MAPK10: variants seen among roughly 807,000 people sequenced by gnomAD.
The protein encoded by MAPK10 is JNK3 alpha protein kinase.
MAPK10 carries 25 observed loss-of-function variants against 59.3 expected under a neutral mutation model. The observed-to-expected ratio is 0.42, with a 90% CI of 0.31 to 0.59. The LOEUF is 0.59. Among genes scored for constraint, MAPK10 ranks in the 20% least tolerant of loss-of-function variants. The pLI is 0.15. For missense variants in MAPK10, 351 were observed against 568.9 expected, an observed-to-expected ratio of 0.62 and a Z score of 3.90; for synonymous variants, 190 against 200.5, an observed-to-expected ratio of 0.95 and a Z score of 0.44.
chr4:86,202,417 T>C (rs943659400), intron 2 of MAPK10, among the ~76,000 whole-genome samples: 12 of 152,082 alleles, frequency 7.9e-5, no homozygotes, highest in Non-Finnish European at 1.6e-4. Context: ...AAAATGACTA[T>C]GTTTTATTAA....
chr4:86,490,402 T>C (rs1754367882), intron 1 of MAPK10, among the ~76,000 whole-genome samples: 1 of 152,220 alleles, frequency 6.6e-6, no homozygotes, highest in Admixed American at 6.5e-5. Context: ...CTCTGTACTA[T>C]GTGGTAAGCG....
intron 4 of MAPK10, among the ~76,000 whole-genome samples, chr4:86,130,350 T>C (rs905881621): frequency 3.9e-5 from 6 of 152,090 alleles, no homozygotes; most frequent in Non-Finnish European, 8.8e-5. Context: ...CAGCAAAAAC[T>C]TGCTGATCAA....
chr4:86,436,856 T>C (rs1364272276), intron 1 of MAPK10, among the ~76,000 whole-genome samples: 1 of 152,162 alleles, frequency 6.6e-6, no homozygotes, highest in Non-Finnish European at 1.5e-5. Flanking sequence ...GAAGTGATGA[T>C]AAAAGGCATC....
chr4:86,068,026 C>T (rs2047074646), intron 9 of MAPK10, 71 bp from the exon 10 acceptor site: 3 of 987,216 alleles, frequency 3.0e-6, no homozygotes, highest in South Asian at 4.0e-5. Flanking sequence ...GAGACTAACT[C>T]TTCTCAAAGT....
At chr4:86,080,059 A>G (rs967881155) in intron 9 of MAPK10, 1 of 152,080 alleles carries the variant, frequency 6.6e-6, no homozygotes, top group African/African-American at 2.4e-5. Context: ...ATCTCTGGAG[A>G]CAAAAAGTAC....
intron 1 of MAPK10, among the ~76,000 whole-genome samples, chr4:86,512,838 C>T (rs1174504608): frequency 1.3e-5 from 2 of 152,120 alleles, no homozygotes; most frequent in African/African-American, 4.8e-5. Context: ...CCACCTGATG[C>T]CATAGCCAGG....
intron 13 of MAPK10, among the ~76,000 whole-genome samples, chr4:86,023,219 T>C (rs1748272712): frequency 6.6e-6 from 1 of 152,226 alleles, no homozygotes; most frequent in Non-Finnish European, 1.5e-5. Context: ...ATGTCTTACA[T>C]CCTTATCAGA....
intron 1 of MAPK10, among the ~76,000 whole-genome samples, chr4:86,398,705 C>G (rs1448113670): frequency 6.6e-6 from 1 of 152,128 alleles, no homozygotes; most frequent in African/African-American, 2.4e-5. Context: ...GATCCTGTCA[C>G]CCAGGTAGTG....
intron 2 of MAPK10, among the ~76,000 whole-genome samples, chr4:86,277,674 G>A (rs2094630819): frequency 6.6e-6 from 1 of 152,102 alleles, no homozygotes; most frequent in South Asian, 2.1e-4. Context: ...TTAATAACCA[G>A]TGTTACTTGT....
At chr4:86,091,423 A>G (rs1464747081) in intron 9 of MAPK10, 2 of 151,388 alleles carry the variant, frequency 1.3e-5, no homozygotes, top group African/African-American at 4.8e-5. Context: ...AACAGGAACT[A>G]CTGTGTTTCC....
intron 1 of MAPK10, among the ~76,000 whole-genome samples, chr4:86,507,671 T>TATAA (rs1755899828): frequency 2.9e-5 from 3 of 102,592 alleles, no homozygotes; most frequent in African/African-American, 7.8e-5. Flanking sequence ...TATATATATA[T>TATAA]AAAATCATGT....
At chr4:86,088,471 G>T (rs2052416978) in intron 9 of MAPK10, among the ~76,000 whole-genome samples, 2 of 152,140 alleles carry the variant, frequency 1.3e-5, no homozygotes, top group Admixed American at 1.3e-4. Flanking sequence ...ACAGGCATGA[G>T]CTACCACATC....
intron 1 of MAPK10, among the ~76,000 whole-genome samples, chr4:86,414,637 T>C (rs1423752168): frequency 6.6e-6 from 1 of 152,220 alleles, no homozygotes; most frequent in African/African-American, 2.4e-5. Context: ...ATAAATTTCC[T>C]GTTCCTATTA....
intron 3 of MAPK10, among the ~76,000 whole-genome samples, chr4:86,166,067 T>C (rs2071605169): frequency 1.3e-5 from 2 of 152,334 alleles, no homozygotes; most frequent in East Asian, 1.9e-4. Context: ...GCCTGCCTTC[T>C]TTACATACGA....
intron 4 of MAPK10, among the ~76,000 whole-genome samples, chr4:86,109,339 T>A (rs1473026348): frequency 2.0e-5 from 3 of 152,154 alleles, no homozygotes; most frequent in African/African-American, 7.2e-5. Context: ...CACCTAAGTA[T>A]TAAGCCCAGC....
intron 2 of MAPK10, among the ~76,000 whole-genome samples, chr4:86,220,146 C>T (rs2089118630): frequency 6.6e-6 from 1 of 151,928 alleles, no homozygotes; most frequent in African/African-American, 2.4e-5. Flanking sequence ...TAATATGGCC[C>T]AAAACTAAAT....
chr4:86,068,027 T>C, intron 9 of MAPK10, 72 bp from the exon 10 acceptor site: 1 of 985,030 alleles, frequency 1.0e-6, no homozygotes. Context: ...AGACTAACTC[T>C]TCTCAAAGTC....
intron 1 of MAPK10, among the ~76,000 whole-genome samples, chr4:86,522,403 T>G (rs1212715629): frequency 6.6e-6 from 1 of 152,182 alleles, no homozygotes; most frequent in African/African-American, 2.4e-5. Flanking sequence ...ACCTTAATTT[T>G]CATGTTCAAG....
intron 2 of MAPK10, among the ~76,000 whole-genome samples, chr4:86,234,510 A>G (rs1183409705): frequency 6.6e-6 from 1 of 152,054 alleles, no homozygotes; most frequent in Non-Finnish European, 1.5e-5. Flanking sequence ...ACTTTTATCT[A>G]ATCTGTGAAT....
Sources: gnomAD v4.1 joint callset for allele counts (sites outside exome capture counted in the v4.1 genomes callset) on GRCh38, gnomAD v4.1.1 for gene constraint, MANE v1.5 for transcripts, NCBI Gene and HGNC (gene_info 2026-07-23, HGNC 2026-07-21) for gene names.